Variants in DIAPH2 observed in about 807,000 individuals in gnomAD.
DIAPH2 encodes protein diaphanous homolog 2.
DIAPH2 carries 35 observed loss-of-function variants against 92.7 expected under a neutral mutation model. That is an observed-to-expected ratio of 0.38 (90% confidence interval 0.29 to 0.50). DIAPH2 has a LOEUF of 0.50. Among genes scored for constraint, DIAPH2 ranks in the 20% least tolerant of loss-of-function variants. The probability of loss-of-function intolerance (pLI) is 0.94; values close to 1 mark genes in which losing one functional copy is unlikely to be tolerated. For missense variants in DIAPH2, 701 were observed against 819.5 expected (o/e 0.86, Z 1.77); for synonymous variants, 301 against 280.4 (o/e 1.07, Z -0.73).
chrX:96,981,097 C>G (rs917814238), intron 17 of DIAPH2, among the ~76,000 whole-genome samples: 6 of 109,060 alleles, frequency 5.5e-5, no homozygotes. Context: ...CACCTGAACC[C>G]AGGGAGGTTG....
chrX:97,583,277 G>C (rs113505956), intron 26 of DIAPH2, among the ~76,000 whole-genome samples: 8 of 105,865 alleles, frequency 7.6e-5, no homozygotes, highest in South Asian at 4.4e-4. Flanking sequence ...CAGTTTTTCT[G>C]TTCTGTTTTT....
At chrX:96,838,124 T>A (rs1024398308) in intron 4 of DIAPH2, among the ~76,000 whole-genome samples, 1 of 112,043 alleles carries the variant, frequency 8.9e-6, no homozygotes, top group African/African-American at 3.2e-5. Context: ...ATGGAAATAA[T>A]CTTTGAAAAT....
chrX:97,589,027 A>ATATATATAT (rs748240865), intron 26 of DIAPH2, among the ~76,000 whole-genome samples: 43 of 85,084 alleles, frequency 5.1e-4, no homozygotes, highest in South Asian at 1.3e-3. Flanking sequence ...ATATATATAT[A>ATATATATAT]AAAGAATCAG....
intron 17 of DIAPH2, among the ~76,000 whole-genome samples, chrX:97,032,002 T>C (rs1288154421): frequency 9.0e-6 from 1 of 111,693 alleles, no homozygotes; most frequent in Non-Finnish European, 1.9e-5. Flanking sequence ...AAGTGATAGG[T>C]AGTGTACTTT....
chrX:97,176,678 C>T (rs1353281974), intron 22 of DIAPH2, among the ~76,000 whole-genome samples: 1 of 111,014 alleles, frequency 9.0e-6, no homozygotes, highest in Non-Finnish European at 1.9e-5. Context: ...CAGGCACCTG[C>T]CACCATGCCC....
intron 23 of DIAPH2, among the ~76,000 whole-genome samples, chrX:97,267,799 C>T (rs928295352): frequency 9.0e-6 from 1 of 111,319 alleles, no homozygotes; most frequent in Non-Finnish European, 1.9e-5. Flanking sequence ...TTTTAGGGTA[C>T]CCAGACCTCA....
intron 5 of DIAPH2, among the ~76,000 whole-genome samples, chrX:96,894,974 A>ATTTTTTTTTTTTTTTTTT (rs766131166): frequency 6.7e-5 from 4 of 59,530 alleles, no homozygotes; most frequent in Non-Finnish European, 9.2e-5. Flanking sequence ...GTTTTTCTTA[A>ATTTTTTTTTTTTTTTTTT]TTTTTTTTTT....
chrX:97,152,488 C>G (rs1401246312), intron 22 of DIAPH2, among the ~76,000 whole-genome samples: 1 of 104,091 alleles, frequency 9.6e-6, no homozygotes, highest in Non-Finnish European at 2.0e-5. Flanking sequence ...TAGGTAATTT[C>G]TAAAGAAAAA....
At chrX:96,962,490 C>CATATAT (rs1184858557) in intron 16 of DIAPH2, among the ~76,000 whole-genome samples, 2 of 48,938 alleles carry the variant, frequency 4.1e-5, no homozygotes, top group African/African-American at 2.4e-4. Flanking sequence ...CACACACACA[C>CATATAT]ACACACATAT....
intron 26 of DIAPH2, among the ~76,000 whole-genome samples, chrX:97,508,966 CA>C (rs746884017): frequency 0.029 from 2,929 of 101,739 alleles, 32 homozygotes; most frequent in Non-Finnish European, 0.041. Flanking sequence ...ACAACAACAA[CA>C]AAAAAAAAAC....
intron 26 of DIAPH2, among the ~76,000 whole-genome samples, chrX:97,517,366 G>T (rs1053660288): frequency 8.9e-6 from 1 of 111,789 alleles, no homozygotes; most frequent in Non-Finnish European, 1.9e-5. Context: ...TCTTATCAAT[G>T]AAATAATAAA....
chrX:96,811,209 G>A (rs764294871), intron 4 of DIAPH2, among the ~76,000 whole-genome samples: 1 of 111,558 alleles, frequency 9.0e-6, no homozygotes, highest in East Asian at 2.8e-4. Flanking sequence ...GGTGGTTGGA[G>A]TTCTCCTTGA....
chrX:97,573,347 A>T (rs755060092), intron 26 of DIAPH2, among the ~76,000 whole-genome samples: 16 of 111,392 alleles, frequency 1.4e-4, no homozygotes, highest in South Asian at 3.8e-4. Flanking sequence ...ATATATATAT[A>T]TTTTTTGTGA....
intron 17 of DIAPH2, among the ~76,000 whole-genome samples, chrX:97,071,106 T>C (rs1195167279): frequency 9.0e-6 from 1 of 111,467 alleles, no homozygotes; most frequent in Non-Finnish European, 1.9e-5. Context: ...TTCAAATTAG[T>C]GAATGATTCT....
rs968518377 is a variant in DIAPH2 at position 97,465,022 on chromosome X, T to C, written c.3241+35277T>C. The stretch of plus-strand genomic sequence containing the variant: ...ACCACCACGCCTGGCTAATTTTGTA[T>C]TTTTAGTAGAGACAGGGTTTCTCCA... On this transcript the variant is annotated intron_variant, in intron 26 of 26. Coordinates refer to ENST00000324765, the MANE Select transcript of DIAPH2 (RefSeq NM_006729.5). Among the ~76,000 whole-genome samples, 4 of 110,960 alleles carry C rather than the reference T, an allele frequency of 3.6e-5. No homozygotes were observed. The South Asian group carries it at 1.5e-3, about 43-fold the overall frequency.
rs1358153459 is a variant in DIAPH2 at position 96,728,067 on chromosome X, AG to A, written c.133-7690del. Among the ~76,000 whole-genome samples the A allele has an allele frequency of 6.4e-5, 7 of 108,966 alleles. No individual in the cohort carries two copies. The Admixed American group carries it at 6.8e-4, about 11-fold the overall frequency. 94.6% of individuals were successfully genotyped at this position (108,966 alleles called of 115,157 possible). ...TCAAAAAAAAAAAAAGAAAAAAAAA[AG>A]TAGAACACAAATAAGTGAACAATAT... On this transcript the variant is annotated intron_variant, in intron 1 of 26. Coordinates refer to ENST00000324765, the MANE Select transcript of DIAPH2 (RefSeq NM_006729.5).
Position 96,949,040 on chromosome X carries a change from G to T in DIAPH2, c.1614+1G>T. 1 of 1,161,069 alleles carries T rather than the reference G, an allele frequency of 8.6e-7. No individual in the cohort carries two copies. Among genetic ancestry groups the T allele is most frequent in the Non-Finnish European group, 1.2e-6 (1 of 855,192 alleles). ...AGAAATCCAGCAACTTCGAACCCAG[G>T]TAATGAAAGAAGATATAGACTTTGT... On this transcript the variant is annotated splice_donor_variant, in intron 15 of 26. Transcript: ENST00000324765. LOFTEE classifies it high-confidence loss of function.
Position 97,599,845 on chromosome X carries a change from G to A in DIAPH2, c.*528G>A, listed in dbSNP as rs1165046285. 1 of 112,308 alleles carries A rather than the reference G, an allele frequency of 8.9e-6. No individual in the cohort carries two copies. The highest frequency in any genetic ancestry group is 3.2e-5 in the African/African-American group (1 of 30,857). 9.3% of individuals were successfully genotyped at this position (112,308 alleles called of 1,213,427 possible). A position where few individuals can be genotyped will look rare whatever the true frequency, so the allele number is the denominator to read the frequency against. Reference sequence around the variant, plus strand: ...GAAGCCATTTTGGAAATTCACGAAAGTACTGCTCCACCCCAGTTGAGTTAT... The same window carrying A: ...GAAGCCATTTTGGAAATTCACGAAAATACTGCTCCACCCCAGTTGAGTTAT... On this transcript the variant is annotated 3_prime_UTR_variant, in exon 27 of 27. Transcript: ENST00000324765.
intron 4 of DIAPH2, among the ~76,000 whole-genome samples, chrX:96,877,557 A>C (rs1264431247): frequency 8.9e-6 from 1 of 111,828 alleles, no homozygotes; most frequent in African/African-American, 3.2e-5. Context: ...GCAGCAAGAT[A>C]CCTTTACAGC....
Sources: gnomAD v4.1 joint callset for allele counts (sites outside exome capture counted in the v4.1 genomes callset) on GRCh38, gnomAD v4.1.1 for gene constraint, MANE v1.5 for transcripts, NCBI Gene and HGNC (gene_info 2026-07-23, HGNC 2026-07-21) for gene names.